Variants in FNDC3B observed in about 807,000 individuals in gnomAD.
FNDC3B encodes the protein fibronectin type III domain-containing protein 3B.
In FNDC3B, 12 loss-of-function variants were observed where a neutral mutation model predicts 151.5. That is an observed-to-expected ratio of 0.08 (90% CI 0.05 to 0.13). FNDC3B has a LOEUF of 0.13. Ranked by LOEUF, FNDC3B falls within the 10% of genes least tolerant of loss-of-function variation. The probability of loss-of-function intolerance (pLI) is 1.00; values close to 1 mark genes in which losing one functional copy is unlikely to be tolerated. For synonymous variants in FNDC3B, 528 were observed against 549.0 expected (o/e 0.96, Z 0.54); for missense variants, 1,214 against 1,505.3 (o/e 0.81, Z 3.20).
chr3:172,353,621 C>A (rs564744328), intron 22 of FNDC3B, among the ~76,000 whole-genome samples: 1 of 152,088 alleles, frequency 6.6e-6, no homozygotes, highest in South Asian at 2.1e-4. Context: ...GCCAGGTAAC[C>A]GTTGAAATTA....
chr3:172,156,144 CTT>C (rs769871698), intron 3 of FNDC3B, among the ~76,000 whole-genome samples: 1 of 152,236 alleles, frequency 6.6e-6, no homozygotes, highest in East Asian at 1.9e-4. Context: ...TCAGGAGACT[CTT>C]TGTTTAAATG....
chr3:172,214,963 G>A (rs1047144849), intron 3 of FNDC3B, among the ~76,000 whole-genome samples: 1 of 152,226 alleles, frequency 6.6e-6, no homozygotes, highest in African/African-American at 2.4e-5. Flanking sequence ...AATATATTGA[G>A]TAATGATATG....
At chr3:172,312,940 T>C (rs1305455858) in intron 11 of FNDC3B, among the ~76,000 whole-genome samples, 1 of 152,238 alleles carries the variant, frequency 6.6e-6, no homozygotes, top group Non-Finnish European at 1.5e-5. Flanking sequence ...TGACTTTTTA[T>C]GTTCAGCATG....
intron 7 of FNDC3B, among the ~76,000 whole-genome samples, chr3:172,292,254 G>C (rs1449010774): frequency 1.3e-5 from 2 of 152,210 alleles, no homozygotes; most frequent in African/African-American, 4.8e-5. Flanking sequence ...AGAATTCACA[G>C]AAACCGCTTT....
intron 3 of FNDC3B, among the ~76,000 whole-genome samples, chr3:172,162,736 C>G (rs1376770409): frequency 6.6e-6 from 1 of 151,028 alleles, no homozygotes; most frequent in African/African-American, 2.4e-5. Flanking sequence ...TTTTTCCTGC[C>G]AGGGATCGGC....
intron 3 of FNDC3B, among the ~76,000 whole-genome samples, chr3:172,198,800 T>C (rs1724982101): frequency 6.6e-6 from 1 of 152,194 alleles, no homozygotes; most frequent in Admixed American, 6.5e-5. Flanking sequence ...AGGTAGGGAA[T>C]AGGAACAGGA....
At chr3:172,304,496 G>A (rs1731092094) in intron 9 of FNDC3B, among the ~76,000 whole-genome samples, 1 of 152,246 alleles carries the variant, frequency 6.6e-6, no homozygotes, top group South Asian at 2.1e-4. Flanking sequence ...TCTCAGTGCT[G>A]TGGAGACAGT....
At chr3:172,216,506 A>G (rs747648670) in intron 3 of FNDC3B, among the ~76,000 whole-genome samples, 1 of 152,070 alleles carries the variant, frequency 6.6e-6, no homozygotes, top group Non-Finnish European at 1.5e-5. Context: ...ATCTCTACAA[A>G]AAAATACAAA....
At chr3:172,376,357 A>G (rs1351603830) in intron 23 of FNDC3B, among the ~76,000 whole-genome samples, 1 of 152,224 alleles carries the variant, frequency 6.6e-6, no homozygotes, top group Non-Finnish European at 1.5e-5. Flanking sequence ...CTTATTTTCC[A>G]AAAGAAATAC....
chr3:172,202,271 G>T (rs76688507), intron 3 of FNDC3B, among the ~76,000 whole-genome samples: 3,647 of 152,224 alleles, frequency 0.024, 151 homozygotes, highest in African/African-American at 0.084. Flanking sequence ...CTGCAAAAAG[G>T]CGTCTTTCCT....
chr3:172,152,506 T>C (rs1159086100), intron 3 of FNDC3B, among the ~76,000 whole-genome samples: 1 of 151,534 alleles, frequency 6.6e-6, no homozygotes, highest in Non-Finnish European at 1.5e-5. Flanking sequence ...TGTCCTCAAC[T>C]ACTCCCTGTC....
intron 25 of FNDC3B, among the ~76,000 whole-genome samples, chr3:172,384,853 TGTATG>T (rs1735626649): frequency 6.6e-6 from 1 of 152,266 alleles, no homozygotes; most frequent in African/African-American, 2.4e-5. Flanking sequence ...CATAATCATA[TGTATG>T]CCACAGACTA....
At chr3:172,306,438 T>C (rs1356028214) in intron 9 of FNDC3B, among the ~76,000 whole-genome samples, 2 of 152,238 alleles carry the variant, frequency 1.3e-5, no homozygotes, top group Admixed American at 1.3e-4. Flanking sequence ...GCTATAAGAA[T>C]TAAGGGCTCA....
At chr3:172,320,241 A>G (rs1732014727) in intron 11 of FNDC3B, among the ~76,000 whole-genome samples, 1 of 152,006 alleles carries the variant, frequency 6.6e-6, no homozygotes, top group South Asian at 2.1e-4. Context: ...TTAGCCGGGC[A>G]TGGTGGCGCA....
intron 3 of FNDC3B, among the ~76,000 whole-genome samples, chr3:172,211,286 T>C (rs1401920065): frequency 6.6e-6 from 1 of 152,194 alleles, no homozygotes; most frequent in Admixed American, 6.5e-5. Flanking sequence ...TTCTTCAGAT[T>C]TGAACTTGGC....
chr3:172,312,170 G>A (rs566360233), intron 11 of FNDC3B, among the ~76,000 whole-genome samples: 2 of 152,322 alleles, frequency 1.3e-5, no homozygotes, highest in African/African-American at 4.8e-5. Context: ...AAATTTTGAT[G>A]TGAAAGAGAG....
At chr3:172,279,004 A>G (rs997740202) in intron 6 of FNDC3B, among the ~76,000 whole-genome samples, 1 of 152,200 alleles carries the variant, frequency 6.6e-6, no homozygotes, top group Non-Finnish European at 1.5e-5. Flanking sequence ...ACATTGTGAA[A>G]TGAACACAAA....
In FNDC3B at chr3:172,350,043, A is replaced by G. The variant is rs546659002; in HGVS notation, c.2514+2682A>G. On this transcript the variant is annotated intron_variant, in intron 21 of 25. Transcript: ENST00000415807. Reference sequence around the variant, plus strand: ...AAAAGCAGAGTAGGAGATAGACAGAAATTTCTCTGTACTATTTTTGCAACT... The same window carrying G: ...AAAAGCAGAGTAGGAGATAGACAGAGATTTCTCTGTACTATTTTTGCAACT... 2.6e-5 allele frequency among the ~76,000 whole-genome samples: 4 copies of G among 152,312 alleles called. No individual in the cohort carries two copies. In the East Asian group the frequency reaches 7.7e-4, roughly 29 times the overall value.
chr3:172,068,002 C>T (rs1385600654), intron 1 of FNDC3B, among the ~76,000 whole-genome samples: 2 of 152,186 alleles, frequency 1.3e-5, no homozygotes, highest in African/African-American at 4.8e-5. Context: ...CCTGTCATAC[C>T]TCCCCACTCC....
Sources: gnomAD v4.1 joint callset for allele counts (sites outside exome capture counted in the v4.1 genomes callset) on GRCh38, gnomAD v4.1.1 for gene constraint, MANE v1.5 for transcripts, NCBI Gene and HGNC (gene_info 2026-07-23, HGNC 2026-07-21) for gene names.